CMTM4: variants seen among roughly 807,000 people sequenced by gnomAD.
The protein encoded by CMTM4 is CKLF like MARVEL transmembrane domain containing 4.
In CMTM4, 8 loss-of-function variants were observed where a neutral mutation model predicts 19.0. The observed-to-expected ratio is 0.42, with a 90% CI of 0.25 to 0.76. CMTM4 has a LOEUF of 0.76. CMTM4 is among the 30% of genes least tolerant of loss of function. CMTM4 has a pLI of 0.27. For synonymous variants in CMTM4, 106 were observed against 121.1 expected (o/e 0.88, Z 0.82); for missense variants, 228 against 290.2 (o/e 0.79, Z 1.56).
At chr16:66,607,551 A>G in the CMTM4 span, among the ~76,000 whole-genome samples, 1 of 151,460 alleles carries the variant, frequency 6.6e-6, no homozygotes, top group Non-Finnish European at 1.5e-5. Flanking sequence ...TCAACTCTGA[A>G]CACTTCAGGA....
At chr16:66,695,983 C>G (rs1435203074) in intron 1 of CMTM4, among the ~76,000 whole-genome samples, 2 of 152,216 alleles carry the variant, frequency 1.3e-5, no homozygotes, top group Non-Finnish European at 2.9e-5. Context: ...AAACCTGCCA[C>G]AGGTTGCTAA....
chr16:66,619,215 G>A lies in CMTM4; in HGVS notation c.*2843C>T, dbSNP rs113481577. The stretch of plus-strand genomic sequence containing the variant: ...AGCAGTGTGAAAGAAGGATATCAAA[G>A]AGAATCAGAGGGAAAAAATACCAAA... On this transcript the variant is annotated 3_prime_UTR_variant, in exon 4 of 4. Transcript: ENST00000394106. 1 of 985,438 alleles carries A rather than the reference G, an allele frequency of 1.0e-6. No individual in the cohort carries two copies. The highest frequency in any genetic ancestry group is 1.7e-5 in the African/African-American group (1 of 57,362). 61.0% of individuals were successfully genotyped at this position (985,438 alleles called of 1,614,324 possible).
chr16:66,634,020 A>G (rs1399014120), intron 2 of CMTM4, among the ~76,000 whole-genome samples: 1 of 152,168 alleles, frequency 6.6e-6, no homozygotes, highest in African/African-American at 2.4e-5. Context: ...GAAAAGAACG[A>G]GTATCAACTT....
chr16:66,649,518 T>A (rs907674762), intron 1 of CMTM4, among the ~76,000 whole-genome samples: 1 of 152,046 alleles, frequency 6.6e-6, no homozygotes, highest in Non-Finnish European at 1.5e-5. Flanking sequence ...CTTCCTAATA[T>A]ATGCATTATT....
In CMTM4 at chr16:66,620,331, CAGAGGGG is replaced by C. The variant is rs2015607215; in HGVS notation, c.*1720_*1726del. ...GGCCTGGCTGCCCTCTCTGTGGGAG[CAGAGGGG>C]AGACGAGTTGTTAACAGGCTAGCAG... On this transcript the variant is annotated 3_prime_UTR_variant, in exon 4 of 4. Coordinates refer to ENST00000394106, the MANE Select transcript of CMTM4 (RefSeq NM_181521.3). 2 of 985,492 alleles carry C rather than the reference CAGAGGGG, an allele frequency of 2.0e-6. No individual in the cohort carries two copies. Among genetic ancestry groups the C allele is most frequent in the Non-Finnish European group, 2.4e-6 (2 of 829,960 alleles). The allele number at this position is 985,492 out of a possible 1,614,324, so 61.0% of individuals were successfully genotyped here.
intron 1 of CMTM4, among the ~76,000 whole-genome samples, chr16:66,658,252 G>A (rs1401450839): frequency 6.9e-6 from 1 of 144,384 alleles, no homozygotes; most frequent in Non-Finnish European, 1.5e-5. Context: ...AGGGAGGGAA[G>A]GAGAGAAGGA....
chr16:66,680,371 C>T (rs991923353), intron 1 of CMTM4, among the ~76,000 whole-genome samples: 1 of 151,374 alleles, frequency 6.6e-6, no homozygotes, highest in East Asian at 1.9e-4. Flanking sequence ...CCCAGCTACT[C>T]GGGAGGCTGA....
At chr16:66,624,442 G>A (rs1879636111) in intron 2 of CMTM4, among the ~76,000 whole-genome samples, 1 of 152,222 alleles carries the variant, frequency 6.6e-6, no homozygotes, top group African/African-American at 2.4e-5. Context: ...CTCTGGTCTG[G>A]CCTAGCTCCA....
chr16:66,645,876 G>A (rs563421758), intron 1 of CMTM4, among the ~76,000 whole-genome samples: 56 of 152,088 alleles, frequency 3.7e-4, no homozygotes, highest in African/African-American at 1.3e-3. Context: ...CTACTCGGGA[G>A]GCTGAGGCAG....
At chr16:66,612,963 GGCA>G, downstream of CMTM4, 1 of 682,356 alleles carries the variant, frequency 1.5e-6, no homozygotes, top group Non-Finnish European at 2.7e-6. The surrounding 1 kb of genome is among the most constrained non-coding windows in gnomAD (Gnocchi z 6.0). Context: ...TCTGTATCTG[GGCA>G]GCAGGTGTTC....
chr16:66,617,601 A>G lies in CMTM4; in HGVS notation c.*4457T>C. On this transcript the variant is annotated 3_prime_UTR_variant, in exon 4 of 4. Transcript: ENST00000394106. The stretch of plus-strand genomic sequence containing the variant: ...CTCACAGTTTCTAAATAAAAGAAAC[A>G]TAAAAGGTCAAATATTTTAAATTAC... 2 of 1,246,988 alleles carry G rather than the reference A, an allele frequency of 1.6e-6. No homozygotes were observed. Among genetic ancestry groups the G allele is most frequent in the Non-Finnish European group, 2.0e-6 (2 of 989,464 alleles). The allele number at this position is 1,246,988 out of a possible 1,614,324, so 77.2% of individuals were successfully genotyped here. A position where few individuals can be genotyped will look rare whatever the true frequency, so the allele number is the denominator to read the frequency against.
intron 1 of CMTM4, among the ~76,000 whole-genome samples, chr16:66,673,071 AT>A (rs758565705): frequency 0.021 from 1,862 of 86,752 alleles, 5 homozygotes; most frequent in African/African-American, 0.03. Flanking sequence ...CACCACACCA[AT>A]TTTTTTTTTT....
chr16:66,626,107 T>C (rs2015732840), intron 2 of CMTM4, among the ~76,000 whole-genome samples: 1 of 152,148 alleles, frequency 6.6e-6, no homozygotes. Context: ...ACAGGATAAA[T>C]GACCCAGTTT....
the CMTM4 span, chr16:66,604,031 AGT>A: frequency 3.0e-3 from 437 of 147,832 alleles, 1 homozygote; most frequent in African/African-American, 6.8e-3. Context: ...GTGCGTGTGG[AGT>A]GTGTGTGTGT....
chr16:66,677,796 G>A (rs1196620532), intron 1 of CMTM4, among the ~76,000 whole-genome samples: 1 of 152,048 alleles, frequency 6.6e-6, no homozygotes, highest in Non-Finnish European at 1.5e-5. Context: ...CCACCTACTG[G>A]GTTCAAGTGA....
chr16:66,607,835 GT>G, the CMTM4 span, among the ~76,000 whole-genome samples: 107 of 144,934 alleles, frequency 7.4e-4, no homozygotes, highest in South Asian at 3.1e-3. Context: ...GCCATGCTGG[GT>G]TTTTTTTTTT....
rs2015567097 is a variant in CMTM4, at chr16:66,618,454, A to G, written c.*3604T>C. On this transcript the variant is annotated 3_prime_UTR_variant, in exon 4 of 4. Coordinates refer to ENST00000394106, the MANE Select transcript of CMTM4 (RefSeq NM_181521.3). ...TGCTCTATTCATCTCCTAGGTGCTAAGACCAACCCACAGAAAATCTGGCAC... is the reference window on the plus strand; with the variant it reads ...TGCTCTATTCATCTCCTAGGTGCTAGGACCAACCCACAGAAAATCTGGCAC... The G allele has an allele frequency of 1.0e-6, 1 of 985,358 alleles. No individual in the cohort carries two copies. The highest frequency in any genetic ancestry group is 4.7e-5 in the South Asian group (1 of 21,296). The allele number at this position is 985,358 out of a possible 1,614,324, so 61.0% of individuals were successfully genotyped here.
chr16:66,629,663 TA>T (rs2144795666), intron 2 of CMTM4, among the ~76,000 whole-genome samples: 1 of 152,302 alleles, frequency 6.6e-6, no homozygotes, highest in East Asian at 1.9e-4. Flanking sequence ...AGTTTCAGGA[TA>T]GGGGCAGGTC....
rs2015610546 is a variant in CMTM4, at chr16:66,620,494, G to C, written c.*1564C>G. Reference sequence around the variant, plus strand: ...GACCCCCAGCCCAGCAGTGTTGCCTGATCAACACTGTGAGCTCAGATGCTG... The same window carrying C: ...GACCCCCAGCCCAGCAGTGTTGCCTCATCAACACTGTGAGCTCAGATGCTG... On this transcript the variant is annotated 3_prime_UTR_variant, in exon 4 of 4. Coordinates refer to ENST00000394106, the MANE Select transcript of CMTM4 (RefSeq NM_181521.3). 1.0e-6 allele frequency: 1 copy of C among 985,344 alleles called. No homozygotes were observed. The allele number at this position is 985,344 out of a possible 1,614,324, so 61.0% of individuals were successfully genotyped here.
Sources: gnomAD v4.1 joint callset for allele counts (sites outside exome capture counted in the v4.1 genomes callset) on GRCh38, gnomAD v4.1.1 for gene constraint, Gnocchi (gnomAD v3.1) non-coding constraint, MANE v1.5 for transcripts, NCBI Gene and HGNC (gene_info 2026-07-23, HGNC 2026-07-21) for gene names.